The following KCNH8 variants were observed in gnomAD, a reference collection of about 807,000 sequenced individuals.
KCNH8 encodes the protein voltage-gated delayed rectifier potassium channel KCNH8.
KCNH8 carries 70 observed loss-of-function variants against 103.6 expected under a neutral mutation model. The ratio of observed to expected loss-of-function variants is 0.68; its 90% confidence interval spans 0.56 to 0.82. The LOEUF is 0.82. KCNH8 is among the 40% of genes least tolerant of loss of function. The pLI, the probability that KCNH8 is intolerant of heterozygous loss-of-function variation, is 0.00. For synonymous variants in KCNH8, 498 were observed against 489.4 expected, an observed-to-expected ratio of 1.02 and a Z score of -0.23; for missense variants, 1,217 against 1,329.9, an observed-to-expected ratio of 0.92 and a Z score of 1.32.
At chr3:19,205,365 TA>T (rs1377543136) in intron 1 of KCNH8, among the ~76,000 whole-genome samples, 1 of 152,082 alleles carries the variant, frequency 6.6e-6, no homozygotes, top group Non-Finnish European at 1.5e-5. Context: ...TCTGAGAATT[TA>T]GAAAATATCC....
chr3:19,502,409 T>C (rs973902722), intron 11 of KCNH8, among the ~76,000 whole-genome samples: 72 of 151,008 alleles, frequency 4.8e-4, no homozygotes, highest in Non-Finnish European at 9.7e-4. Flanking sequence ...CTTCACAGAA[T>C]TGGAAAAAAC....
intron 11 of KCNH8, among the ~76,000 whole-genome samples, chr3:19,465,288 T>C (rs1053846066): frequency 2.6e-5 from 4 of 152,148 alleles, no homozygotes; most frequent in Non-Finnish European, 4.4e-5. Flanking sequence ...CCTTAAGAAG[T>C]ATGCTAAATC....
At chr3:19,202,901 A>T (rs867632946) in intron 1 of KCNH8, among the ~76,000 whole-genome samples, 8 of 152,126 alleles carry the variant, frequency 5.3e-5, no homozygotes, top group Non-Finnish European at 1.2e-4. Flanking sequence ...CATTATGGGG[A>T]CTACACACAT....
intron 3 of KCNH8, among the ~76,000 whole-genome samples, chr3:19,318,582 G>A (rs2065305724): frequency 1.3e-5 from 2 of 151,032 alleles, no homozygotes; most frequent in Non-Finnish European, 3.0e-5. Context: ...ATTCCATCCA[G>A]GTTGCTGCAA....
chr3:19,525,193 AT>A (rs1446751519), intron 15 of KCNH8, among the ~76,000 whole-genome samples: 1 of 151,924 alleles, frequency 6.6e-6, no homozygotes, highest in Non-Finnish European at 1.5e-5. Flanking sequence ...ATAAATATAT[AT>A]TATTTTTGTC....
chr3:19,154,549 T>G (rs998805840), intron 1 of KCNH8, among the ~76,000 whole-genome samples: 1 of 152,212 alleles, frequency 6.6e-6, no homozygotes, highest in Non-Finnish European at 1.5e-5. Context: ...AGACTTGGGA[T>G]GTTTCTTTTT....
At chr3:19,422,686 A>T (rs563085185) in intron 7 of KCNH8, among the ~76,000 whole-genome samples, 21 of 152,222 alleles carry the variant, frequency 1.4e-4, no homozygotes, top group African/African-American at 5.1e-4. Context: ...CATTTAACAA[A>T]TATTAATTGA....
intron 7 of KCNH8, among the ~76,000 whole-genome samples, chr3:19,420,512 AATTTCATT>A (rs1271267254): frequency 2.6e-5 from 4 of 152,178 alleles, no homozygotes; most frequent in African/African-American, 9.7e-5. Flanking sequence ...AGTGCTAGCT[AATTTCATT>A]AATTTTTAAA....
chr3:19,397,634 C>T (rs777117113), intron 7 of KCNH8, among the ~76,000 whole-genome samples: 11 of 151,106 alleles, frequency 7.3e-5, no homozygotes, highest in Non-Finnish European at 1.3e-4. Context: ...GAAAGTACAT[C>T]CTATGATCAT....
chr3:19,253,319 A>G (rs1302493174), intron 1 of KCNH8, among the ~76,000 whole-genome samples: 5 of 152,056 alleles, frequency 3.3e-5, no homozygotes, highest in African/African-American at 9.7e-5. Context: ...TCACCTATAC[A>G]TTACATGGCA....
chr3:19,287,623 G>A (rs1035177236), intron 3 of KCNH8, among the ~76,000 whole-genome samples: 3 of 151,968 alleles, frequency 2.0e-5, no homozygotes, highest in South Asian at 2.1e-4. Flanking sequence ...GTCTTGCTCT[G>A]TTGCCAGGCT....
At chr3:19,476,257 T>C (rs2067973380) in intron 11 of KCNH8, among the ~76,000 whole-genome samples, 1 of 152,178 alleles carries the variant, frequency 6.6e-6, no homozygotes, top group South Asian at 2.1e-4. Context: ...GTTCAAACAC[T>C]ATCTTCAACA....
At chr3:19,241,068 T>C (rs1417229647) in intron 1 of KCNH8, among the ~76,000 whole-genome samples, 1 of 152,164 alleles carries the variant, frequency 6.6e-6, no homozygotes, top group Non-Finnish European at 1.5e-5. Flanking sequence ...TATTTCACAC[T>C]AATTAAGATA....
chr3:19,269,120 C>T (rs73048561), intron 2 of KCNH8, among the ~76,000 whole-genome samples: 1 of 151,966 alleles, frequency 6.6e-6, no homozygotes, highest in Admixed American at 6.6e-5. Flanking sequence ...TACTAATCCA[C>T]AGAGCACTGT....
At chr3:19,442,912 A>T (rs1003864098) in intron 8 of KCNH8, among the ~76,000 whole-genome samples, 1 of 152,066 alleles carries the variant, frequency 6.6e-6, no homozygotes, top group African/African-American at 2.4e-5. Flanking sequence ...TGTGAGATAG[A>T]GATTATTAAT....
intron 2 of KCNH8, among the ~76,000 whole-genome samples, chr3:19,268,129 A>G (rs1343393445): frequency 6.6e-6 from 1 of 152,120 alleles, no homozygotes; most frequent in Admixed American, 6.6e-5. Flanking sequence ...AAGAAAAGGG[A>G]AAACATAAAC....
intron 5 of KCNH8, among the ~76,000 whole-genome samples, chr3:19,356,467 G>A (rs1313561127): frequency 6.6e-6 from 1 of 151,834 alleles, no homozygotes; most frequent in Non-Finnish European, 1.5e-5. Context: ...TCTCTACTAG[G>A]CTGTACTCTT....
At chr3:19,508,001 C>T (rs1011116348) in intron 11 of KCNH8, among the ~76,000 whole-genome samples, 2 of 152,148 alleles carry the variant, frequency 1.3e-5, no homozygotes, top group African/African-American at 4.8e-5. Context: ...TTGAGATGAT[C>T]ATTCGGGTTT....
chr3:19,246,270 TG>T (rs2064203749), intron 1 of KCNH8, among the ~76,000 whole-genome samples: 2 of 144,194 alleles, frequency 1.4e-5, no homozygotes, highest in African/African-American at 5.5e-5. Context: ...TTTTTGTTGT[TG>T]TTGTTTTTTT....
Sources: gnomAD v4.1 joint callset for allele counts (sites outside exome capture counted in the v4.1 genomes callset) on GRCh38, gnomAD v4.1.1 for gene constraint, MANE v1.5 for transcripts, NCBI Gene and HGNC (gene_info 2026-07-23, HGNC 2026-07-21) for gene names.